Variants in ARHGAP15 observed in about 807,000 individuals in gnomAD.
The protein encoded by ARHGAP15 is Rho GTPase activating protein 15.
ARHGAP15 carries 51 observed loss-of-function variants against 63.7 expected under a neutral mutation model. That is an observed-to-expected ratio of 0.80 (90% CI 0.64 to 1.01). The LOEUF (loss-of-function observed/expected upper bound fraction) is 1.01. Among genes scored for constraint, ARHGAP15 ranks in the 50% least tolerant of loss-of-function variants. The probability of loss-of-function intolerance (pLI) is 0.00; values close to 1 mark genes in which losing one functional copy is unlikely to be tolerated. For synonymous variants in ARHGAP15, 191 were observed against 193.8 expected (o/e 0.99, Z 0.12); for missense variants, 560 against 564.6 (o/e 0.99, Z 0.08).
intron 13 of ARHGAP15, among the ~76,000 whole-genome samples, chr2:143,717,368 A>G (rs1409929458): frequency 6.6e-6 from 1 of 152,092 alleles, no homozygotes; most frequent in Non-Finnish European, 1.5e-5. Context: ...TAATTCTGAG[A>G]AACTAGTTTC....
chr2:143,719,286 TAAAGA>T (rs542567692), intron 13 of ARHGAP15, among the ~76,000 whole-genome samples: 3 of 152,238 alleles, frequency 2.0e-5, no homozygotes, highest in Admixed American at 6.5e-5. Flanking sequence ...TACGAAAAGA[TAAAGA>T]AATCACTCCA....
chr2:143,479,501 C>A (rs1031944497), intron 8 of ARHGAP15, among the ~76,000 whole-genome samples: 13 of 152,132 alleles, frequency 8.5e-5, no homozygotes, highest in African/African-American at 3.1e-4. Flanking sequence ...TTCACAGTGC[C>A]CTTTGTGTGG....
chr2:143,352,093 T>C (rs1254521047), intron 6 of ARHGAP15, among the ~76,000 whole-genome samples: 1 of 152,208 alleles, frequency 6.6e-6, no homozygotes, highest in Non-Finnish European at 1.5e-5. Context: ...AACATTACAA[T>C]TCTTTGTAGT....
Position 143,606,035 on chromosome 2 carries a change from C to CAAAAAAAAAAAAAAAAAAAAA in ARHGAP15, c.1004-18083_1004-18063dup, listed in dbSNP as rs869266541. Among the ~76,000 whole-genome samples, 15 of 22,868 alleles carry CAAAAAAAAAAAAAAAAAAAAA rather than the reference C, an allele frequency of 6.6e-4. 3 individuals are homozygous for CAAAAAAAAAAAAAAAAAAAAA. The East Asian group carries it at 6.9e-3, about 11-fold the overall frequency. 15.0% of individuals were successfully genotyped at this position (22,868 alleles called of 152,430 possible). Reference sequence around the variant, plus strand: ...TGGGCGCCAGAGCAAGACTCTGTCTCAAAAAAAAAAAAAAAAAAAAAAAAA... The same window carrying CAAAAAAAAAAAAAAAAAAAAA: ...TGGGCGCCAGAGCAAGACTCTGTCTCAAAAAAAAAAAAAAAAAAAAAAAAAAAAAAAAAAAAAAAAAAAAAA... On this transcript the variant is annotated intron_variant, in intron 11 of 13. Coordinates refer to ENST00000295095, the MANE Select transcript of ARHGAP15 (RefSeq NM_018460.4).
At chr2:143,331,281 C>G (rs1432203016) in intron 6 of ARHGAP15, among the ~76,000 whole-genome samples, 1 of 152,078 alleles carries the variant, frequency 6.6e-6, no homozygotes, top group East Asian at 1.9e-4. Flanking sequence ...TTTTGTGAAG[C>G]TTTCCTTGCT....
intron 12 of ARHGAP15, among the ~76,000 whole-genome samples, chr2:143,656,876 C>T (rs1380317093): frequency 2.0e-5 from 3 of 150,984 alleles, no homozygotes; most frequent in African/African-American, 4.9e-5. Context: ...TCACAAAGAC[C>T]TCCCTTCTGA....
chr2:143,384,579 AAT>A (rs1460700548), intron 6 of ARHGAP15, among the ~76,000 whole-genome samples: 1 of 146,240 alleles, frequency 6.8e-6, no homozygotes, highest in East Asian at 2.0e-4. Flanking sequence ...AAAAAAAAAA[AAT>A]GTTGCTAAGT....
At chr2:143,427,310 AAAT>A (rs1364288800) in intron 6 of ARHGAP15, among the ~76,000 whole-genome samples, 3 of 152,146 alleles carry the variant, frequency 2.0e-5, no homozygotes, top group Non-Finnish European at 4.4e-5. Context: ...TAATACTTCT[AAAT>A]AAAATTAACA....
At chr2:143,342,480 T>C (rs376689245) in intron 6 of ARHGAP15, among the ~76,000 whole-genome samples, 1 of 152,098 alleles carries the variant, frequency 6.6e-6, no homozygotes, top group Non-Finnish European at 1.5e-5. Flanking sequence ...TGTATGGCGA[T>C]AGAGTAATTT....
At chr2:143,706,350 T>C (rs1684325778) in intron 13 of ARHGAP15, 1 of 152,196 alleles carries the variant, frequency 6.6e-6, no homozygotes, top group South Asian at 2.1e-4. Context: ...CTTCAGAAAA[T>C]CTATCGTCAA....
chr2:143,619,770 T>C (rs908031874), intron 11 of ARHGAP15, among the ~76,000 whole-genome samples: 12 of 152,152 alleles, frequency 7.9e-5, no homozygotes, highest in Non-Finnish European at 1.8e-4. Flanking sequence ...TATAGCACTT[T>C]CCTCTTCACT....
chr2:143,627,011 TG>T (rs1343092333), intron 12 of ARHGAP15, among the ~76,000 whole-genome samples: 5 of 152,178 alleles, frequency 3.3e-5, no homozygotes, highest in Non-Finnish European at 7.4e-5. Context: ...AAGAGAAACC[TG>T]TATCTTCTTC....
In ARHGAP15 at chr2:143,386,886, T is replaced by C. The variant is rs1687309917; in HGVS notation, c.475-48715T>C. Among the ~76,000 whole-genome samples, 4 of 152,206 alleles carry C rather than the reference T, an allele frequency of 2.6e-5. No individual in the cohort carries two copies. The South Asian group carries it at 8.3e-4, about 32-fold the overall frequency. ...GGATGGAGCTGGGGGCCATTATCCTTAGCAAACTAATGCAGGAACAGAAAA... is the reference window on the plus strand; with the variant it reads ...GGATGGAGCTGGGGGCCATTATCCTCAGCAAACTAATGCAGGAACAGAAAA... On this transcript the variant is annotated intron_variant, in intron 6 of 13. Coordinates refer to ENST00000295095, the MANE Select transcript of ARHGAP15 (RefSeq NM_018460.4).
chr2:143,665,043 G>C (rs1450392964), intron 12 of ARHGAP15, among the ~76,000 whole-genome samples: 2 of 151,980 alleles, frequency 1.3e-5, no homozygotes, highest in African/African-American at 4.8e-5. Context: ...TAGAAAAAGA[G>C]AGAATCCTCC....
chr2:143,477,734 A>G (rs1289745515), intron 8 of ARHGAP15, among the ~76,000 whole-genome samples: 1 of 152,172 alleles, frequency 6.6e-6, no homozygotes, highest in African/African-American at 2.4e-5. Flanking sequence ...AAAGAAAGAA[A>G]AAAGAAAGAA....
chr2:143,603,575 G>A (rs1697861478), intron 11 of ARHGAP15, among the ~76,000 whole-genome samples: 1 of 152,106 alleles, frequency 6.6e-6, no homozygotes, highest in Non-Finnish European at 1.5e-5. Flanking sequence ...TCCCTTTAAG[G>A]CATCTAATGA....
chr2:143,166,591 C>A (rs183490572), intron 2 of ARHGAP15, among the ~76,000 whole-genome samples: 31 of 152,192 alleles, frequency 2.0e-4, no homozygotes, highest in African/African-American at 7.0e-4. Context: ...GCCACTGCCA[C>A]CACCACCTCT....
chr2:143,239,323 A>G (rs1693770870), intron 5 of ARHGAP15, among the ~76,000 whole-genome samples: 1 of 152,190 alleles, frequency 6.6e-6, no homozygotes, highest in East Asian at 1.9e-4. Context: ...TTTAAAATAT[A>G]ATCAGTGATT....
At chr2:143,218,365 C>T (rs545013035) in intron 4 of ARHGAP15, among the ~76,000 whole-genome samples, 1 of 144,824 alleles carries the variant, frequency 6.9e-6, no homozygotes, top group Non-Finnish European at 1.5e-5. Flanking sequence ...GGTTTGTGGC[C>T]TTGTGCTATT....
Sources: allele counts gnomAD v4.1 joint callset (sites outside exome capture counted in the v4.1 genomes callset), GRCh38; gene constraint gnomAD v4.1.1; transcripts MANE v1.5; gene names NCBI Gene and HGNC (gene_info 2026-07-23, HGNC 2026-07-21).